CCNB3: variants seen among roughly 807,000 people sequenced by gnomAD.
The protein encoded by CCNB3 is cyclin B3, also known as G2/mitotic-specific cyclin-B3.
A neutral mutation model predicts 68.0 loss-of-function variants in CCNB3; 12 were observed. The ratio of observed to expected loss-of-function variants is 0.18; its 90% CI spans 0.11 to 0.29. The LOEUF (loss-of-function observed/expected upper bound fraction) is 0.29, where lower values mean the gene tolerates loss of function less well. CCNB3 is among the 10% of genes least tolerant of loss of function. CCNB3 has a pLI of 1.00. For missense variants in CCNB3, 904 were observed against 993.1 expected (o/e 0.91, Z 1.21); for synonymous variants, 354 against 388.9 (o/e 0.91, Z 1.06).
chrX:50,312,675 T>G (rs1557215241), intron 7 of CCNB3, 43 bp downstream of exon 7: 1 of 903,036 alleles, frequency 1.1e-6, no homozygotes, highest in Non-Finnish European at 1.6e-6. Flanking sequence ...CTAGTTTTCA[T>G]TTCTTCATCA....
intron 1 of CCNB3, among the ~76,000 whole-genome samples, chrX:50,213,735 AGT>A (rs1278721089): frequency 3.6e-5 from 4 of 111,656 alleles, no homozygotes; most frequent in African/African-American, 1.3e-4. Context: ...GTGTTATAGC[AGT>A]GTGCTTTCGA....
intron 4 of CCNB3, among the ~76,000 whole-genome samples, chrX:50,293,817 T>C (rs1447876306): frequency 8.9e-6 from 1 of 112,400 alleles, no homozygotes; most frequent in African/African-American, 3.2e-5. Context: ...TCAAATACTA[T>C]TTATAAGTGA....
intron 8 of CCNB3, among the ~76,000 whole-genome samples, chrX:50,338,964 T>A (rs1557219197): frequency 8.9e-6 from 1 of 112,146 alleles, no homozygotes; most frequent in Non-Finnish European, 1.9e-5. Flanking sequence ...AGTTCCAAAG[T>A]TGCTTCCATA....
intron 8 of CCNB3, among the ~76,000 whole-genome samples, chrX:50,334,227 C>T (rs943191683): frequency 9.8e-5 from 11 of 112,377 alleles, no homozygotes; most frequent in African/African-American, 3.6e-4. Flanking sequence ...ATGCCCATGG[C>T]TGGTCCCAAA....
chrX:50,223,733 G>A (rs1935710389), intron 1 of CCNB3, among the ~76,000 whole-genome samples: 1 of 112,528 alleles, frequency 8.9e-6, no homozygotes. Flanking sequence ...CCAGTCAGGG[G>A]GGAAGGGGGT....
At position 50,309,350 on chromosome X, in the gene CCNB3, A is replaced by G. The variant is rs782214588; in HGVS notation, c.1181A>G (p.Lys394Arg). The G allele has an allele frequency of 1.2e-5, 15 of 1,209,514 alleles. No homozygotes were observed. The highest frequency in any genetic ancestry group is 1.7e-5 in the Non-Finnish European group (15 of 894,801). ...AAGGAGCAGTGCATGACTGAGGGGA[A>G]GAGGTCCCGTCTGAAGCCATTAGTA... ...ILKEQCMTEG[K>R]RSRLKPLVLQ... Residue 394 changes from lysine to arginine, a missense_variant, in exon 6 of 13, where the codon AAG (lysine) becomes AGG (arginine). By Grantham distance (26) the Lys-to-Arg change is conservative. Around this residue, in one of 2 missense-constraint regions of CCNB3, gnomAD observed 619 missense variants for 609.8 expected, o/e 1.02. Transcript: ENST00000376042.
At chrX:50,316,141 C>T (rs1374608475) in intron 8 of CCNB3, among the ~76,000 whole-genome samples, 2 of 111,030 alleles carry the variant, frequency 1.8e-5, no homozygotes, top group East Asian at 2.8e-4. Flanking sequence ...ATATGTCTCA[C>T]GAGATCAGAT....
chrX:50,228,673 A>C (rs1478571277), intron 1 of CCNB3, among the ~76,000 whole-genome samples: 2 of 83,469 alleles, frequency 2.4e-5, no homozygotes, highest in African/African-American at 4.7e-5. Context: ...TATATATAGA[A>C]TATATATAGA....
chrX:50,226,233 AT>A (rs1221334280), intron 1 of CCNB3, among the ~76,000 whole-genome samples: 4 of 67,540 alleles, frequency 5.9e-5, no homozygotes, highest in African/African-American at 2.6e-4. Context: ...GAATATATAT[AT>A]TTATATATAT....
chrX:50,326,026 C>T (rs1198584918), intron 8 of CCNB3, among the ~76,000 whole-genome samples: 1 of 111,247 alleles, frequency 9.0e-6, no homozygotes, highest in African/African-American at 3.3e-5. Flanking sequence ...ATAGGTTATG[C>T]TGTACACATT....
At chrX:50,217,429 C>T (rs1935594269) in intron 1 of CCNB3, among the ~76,000 whole-genome samples, 1 of 108,908 alleles carries the variant, frequency 9.2e-6, no homozygotes, top group Non-Finnish European at 1.9e-5. Flanking sequence ...TCCGCCACCA[C>T]GTCCGGCTAA....
Position 50,337,231 on chromosome X carries a change from G to GC in CCNB3, c.3517-4971_3517-4970insC, listed in dbSNP as rs782121922. Among the ~76,000 whole-genome samples the GC allele has an allele frequency of 2.7e-5, 3 of 110,480 alleles. No homozygotes were observed. In the East Asian group the frequency reaches 8.6e-4, roughly 32 times the overall value. ...AGGAGTATGGATATCTGGTGGAAGTGGAGGTGCTGTGGGCTCAGGAATGGG... is the reference window on the plus strand; with the variant it reads ...AGGAGTATGGATATCTGGTGGAAGTGCGAGGTGCTGTGGGCTCAGGAATGGG... On this transcript the variant is annotated intron_variant, in intron 8 of 12. Transcript: ENST00000376042.
At chrX:50,283,821 C>T (rs973029511) in intron 1 of CCNB3, among the ~76,000 whole-genome samples, 1 of 110,636 alleles carries the variant, frequency 9.0e-6, no homozygotes, top group African/African-American at 3.3e-5. Context: ...CTTTGTGAAG[C>T]CTTCCTCCAG....
At position 50,310,072 on chromosome X, in the gene CCNB3, C is replaced by G. The variant is rs782423420; in HGVS notation, c.1903C>G (p.Leu635Val). 2.5e-6 allele frequency: 3 copies of G among 1,208,136 alleles called. No individual in the cohort carries two copies. The highest frequency in any genetic ancestry group is 3.5e-5 in the South Asian group (2 of 56,429). Residue 635 changes from leucine (L) to valine (V), a missense_variant, in exon 6 of 13, where the codon CTC becomes GTC. Around this residue, in one of 2 missense-constraint regions of CCNB3, gnomAD observed 619 missense variants for 609.8 expected, o/e 1.02. Transcript: ENST00000376042. ...GAAATCTACAACGGAAGAAAAGTTCCTCTCCCAGGAACCATCTGCATTGAA... is the reference window on the plus strand; with the variant it reads ...GAAATCTACAACGGAAGAAAAGTTCGTCTCCCAGGAACCATCTGCATTGAA... ...KMKSTTEEKFLSQEPSALKEK... is the reference protein window; with the variant it reads ...KMKSTTEEKFVSQEPSALKEK...
At chrX:50,323,375 C>T (rs1922132222) in intron 8 of CCNB3, among the ~76,000 whole-genome samples, 1 of 95,930 alleles carries the variant, frequency 1.0e-5, no homozygotes. Context: ...AATGAGAACA[C>T]ATGGACACAG....
At chrX:50,322,762 A>G (rs1324500540) in intron 8 of CCNB3, among the ~76,000 whole-genome samples, 2 of 112,061 alleles carry the variant, frequency 1.8e-5, no homozygotes, top group East Asian at 5.6e-4. Context: ...GGCAAAGGAT[A>G]TGAACAGACA....
At chrX:50,320,113 T>C (rs1190456203) in intron 8 of CCNB3, among the ~76,000 whole-genome samples, 1 of 111,090 alleles carries the variant, frequency 9.0e-6, no homozygotes, top group African/African-American at 3.3e-5. Flanking sequence ...TTTTTTGTTC[T>C]GGTATCAGAA....
At chrX:50,228,179 C>A (rs1279778156) in intron 1 of CCNB3, among the ~76,000 whole-genome samples, 1 of 89,360 alleles carries the variant, frequency 1.1e-5, no homozygotes, top group African/African-American at 4.1e-5. Flanking sequence ...TATATAAATA[C>A]ATATACATAG....
rs182893046 is a variant in CCNB3 at position 50,336,719 on chromosome X, G to A, written c.3517-5483G>A. Among the ~76,000 whole-genome samples, 37 of 111,045 alleles carry A rather than the reference G, an allele frequency of 3.3e-4. 1 individual carries two copies. The highest frequency in any genetic ancestry group is 2.0e-3 in the Admixed American group (21 of 10,407). ...TTTCTTTAGACCTTCTATCCATGCC[G>A]CATGGTACTGTCTTAGCCTCTCCAT... is the stretch of plus-strand genomic sequence containing the variant. On this transcript the variant is annotated intron_variant, in intron 8 of 12. Coordinates refer to ENST00000376042, the MANE Select transcript of CCNB3 (RefSeq NM_033031.3).
Sources: allele counts gnomAD v4.1 joint callset (sites outside exome capture counted in the v4.1 genomes callset), GRCh38; gene constraint gnomAD v4.1.1; regional missense constraint gnomAD v4.1.1; transcripts MANE v1.5; gene names NCBI Gene and HGNC (gene_info 2026-07-23, HGNC 2026-07-21).